Variants in NGLY1 observed in about 807,000 individuals in gnomAD.
NGLY1 encodes N-glycanase 1.
In NGLY1, 68 loss-of-function variants were observed where a neutral mutation model predicts 84.6. The ratio of observed to expected loss-of-function variants is 0.80; its 90% CI spans 0.66 to 0.98. The LOEUF is 0.98. NGLY1 is among the 50% of genes least tolerant of loss of function. The pLI, the probability that NGLY1 is intolerant of heterozygous loss-of-function variation, is 0.00. For synonymous variants in NGLY1, 280 were observed against 275.2 expected (o/e 1.02, Z -0.17); for missense variants, 779 against 770.2 (o/e 1.01, Z -0.14).
chr3:25,736,583 CACTA>C, intron 6 of NGLY1: 2 of 464,168 alleles, frequency 4.3e-6, no homozygotes, highest in South Asian at 8.8e-5. Flanking sequence ...TTTAAGAGAA[CACTA>C]ACTATTAATG....
upstream of NGLY1, among the ~76,000 whole-genome samples, chr3:25,786,948 CTG>C (rs896475934): frequency 2.0e-5 from 3 of 152,216 alleles, no homozygotes; most frequent in African/African-American, 7.2e-5. Flanking sequence ...TTGCTCAGCA[CTG>C]TGAAGGAGAC....
intron 2 of NGLY1, among the ~76,000 whole-genome samples, chr3:25,768,919 T>C (rs570951136): frequency 3.9e-5 from 6 of 151,998 alleles, no homozygotes; most frequent in Non-Finnish European, 8.8e-5. Flanking sequence ...AAAAAGCTTA[T>C]GCACAGCAAA....
intron 4 of NGLY1, among the ~76,000 whole-genome samples, chr3:25,745,906 T>G (rs1311144300): frequency 6.6e-6 from 1 of 152,262 alleles, no homozygotes; most frequent in Non-Finnish European, 1.5e-5. Flanking sequence ...GTAACATTTC[T>G]GCTGTATGTT....
intron 3 of NGLY1, among the ~76,000 whole-genome samples, chr3:25,753,491 G>A (rs910915167): frequency 1.3e-5 from 2 of 151,996 alleles, no homozygotes; most frequent in Non-Finnish European, 2.9e-5. Flanking sequence ...AAAAGCACCA[G>A]TACAAGTTTC....
chr3:25,738,981 GAGT>G (rs1705985443), intron 5 of NGLY1, among the ~76,000 whole-genome samples: 1 of 152,060 alleles, frequency 6.6e-6, no homozygotes, highest in African/African-American at 2.4e-5. Flanking sequence ...GAGATATGAG[GAGT>G]AGGTTAGGTT....
Position 25,732,367 on chromosome 3 carries a change from T to C in NGLY1, c.1377A>G (p.Ile459Met). The C allele has an allele frequency of 6.2e-7, 1 of 1,613,796 alleles. No homozygotes were observed. The highest frequency in any genetic ancestry group is 1.1e-5 in the South Asian group (1 of 91,060). The change falls in exon 9 of 12, where the codon ATA (isoleucine) becomes ATG (methionine). Residue 459 changes from isoleucine to methionine, a missense_variant. Physicochemically the swap from Ile to Met is conservative, Grantham distance 10. Coordinates refer to ENST00000280700, the MANE Select transcript of NGLY1 (RefSeq NM_018297.4). ...TPKPGELGGRISGSVAWRVAR... is the reference protein window; with the variant it reads ...TPKPGELGGRMSGSVAWRVAR... ...CTACTCTCCAAGCCACTGACCCAGATATTCTTCCCCCAAGTTCTCCAGGTT... is the reference window on the plus strand; with the variant it reads ...CTACTCTCCAAGCCACTGACCCAGACATTCTTCCCCCAAGTTCTCCAGGTT...
chr3:25,783,092 C>A lies in NGLY1; in HGVS notation c.131+168G>T. On this transcript the variant is annotated intron_variant, in intron 1 of 11. Transcript: ENST00000280700. This position sits in a 1 kb window ranked among gnomAD's most constrained non-coding sequence, Gnocchi z 4.5. Reference sequence around the variant, plus strand: ...GGTGGGACTTGGCCGGGTCCCGAGGCCCCTGGCCGGCGGGCTCGGACGTTA... The same window carrying A: ...GGTGGGACTTGGCCGGGTCCCGAGGACCCTGGCCGGCGGGCTCGGACGTTA... The A allele has an allele frequency of 1.7e-6, 1 of 600,742 alleles. No homozygotes were observed. The highest frequency in any genetic ancestry group is 2.8e-6 in the Non-Finnish European group (1 of 351,398). 37.2% of individuals were successfully genotyped at this position (600,742 alleles called of 1,614,324 possible).
rs1423464619 is a variant in NGLY1 at position 25,741,714 on chromosome 3, G to T, written c.659-1915C>A. On this transcript the variant is annotated intron_variant, in intron 4 of 11. Coordinates refer to ENST00000280700, the MANE Select transcript of NGLY1 (RefSeq NM_018297.4). ...CAAAGAAAAGATAAATTTCTGGACG[G>T]GCACGGTGGCTCACGCCTATAATCC... Among the ~76,000 whole-genome samples, 10 of 152,276 alleles carry T rather than the reference G, an allele frequency of 6.6e-5. No homozygotes were observed. In the East Asian group the frequency reaches 1.9e-3, roughly 29 times the overall value.
chr3:25,736,461 T>C lies in NGLY1; in HGVS notation c.1004-312A>G, dbSNP rs909786311. On this transcript the variant is annotated intron_variant, in intron 6 of 11. Transcript: ENST00000280700. ...AAATATCATCCTGAGTTTACTATCA[T>C]GAAGGAGTTAATGCCACTTTTGAAA... 1.0e-5 allele frequency: 14 copies of C among 1,372,088 alleles called. No homozygotes were observed. In the African/African-American group the frequency reaches 1.9e-4, roughly 19 times the overall value. 85.0% of individuals were successfully genotyped at this position (1,372,088 alleles called of 1,614,324 possible). A position where few individuals can be genotyped will look rare whatever the true frequency, so the allele number is the denominator to read the frequency against.
At chr3:25,788,685 GAC>G (rs1164903434) in intron 1 of NGLY1, among the ~76,000 whole-genome samples, 1 of 152,132 alleles carries the variant, frequency 6.6e-6, no homozygotes, top group Non-Finnish European at 1.5e-5. Context: ...TTATTTTAAA[GAC>G]AGCAATGAAA....
rs1705101633 is a variant in NGLY1, at chr3:25,723,383, CTTATG to C, written c.1612-3197_1612-3193del. On this transcript the variant is annotated intron_variant, in intron 10 of 11. Transcript: ENST00000280700. ...ACTATGAGCAAAATAAAAAAGGTCT[CTTATG>C]TTAAAGAACAGTATATGGAGATAAA... Among the ~76,000 whole-genome samples the C allele has an allele frequency of 6.6e-5, 10 of 152,120 alleles. No individual in the cohort carries two copies. In the South Asian group the frequency reaches 2.1e-3, roughly 32 times the overall value.
chr3:25,736,189 A>C, intron 6 of NGLY1, 40 bp from the exon 7 acceptor site: 1 of 1,600,362 alleles, frequency 6.2e-7, no homozygotes, highest in Non-Finnish European at 8.5e-7. Flanking sequence ...GAAAAAAGAC[A>C]ATGAAATCAG....
At chr3:25,736,742 A>G in intron 6 of NGLY1, 1 of 180,366 alleles carries the variant, frequency 5.5e-6, no homozygotes, top group Non-Finnish European at 1.2e-5. Flanking sequence ...TTAAGTTTAT[A>G]GTTTACTAAA....
At chr3:25,746,299 C>G (rs900549536) in intron 4 of NGLY1, among the ~76,000 whole-genome samples, 2 of 152,000 alleles carry the variant, frequency 1.3e-5, no homozygotes, top group Admixed American at 6.6e-5. Context: ...ATCCTTCATG[C>G]CCTTAAAAAA....
chr3:25,719,861 G>A (rs1271631683), intron 11 of NGLY1, among the ~76,000 whole-genome samples, 153 bp downstream of exon 11: 1 of 145,392 alleles, frequency 6.9e-6, no homozygotes, highest in Non-Finnish European at 1.5e-5. Context: ...TGTTACAATG[G>A]GATCACACAG....
At chr3:25,735,166 T>G (rs1705753092) in intron 7 of NGLY1, 1 of 152,142 alleles carries the variant, frequency 6.6e-6, no homozygotes, top group Non-Finnish European at 1.5e-5. Context: ...TAGGCAAAAT[T>G]TCTTAAATAT....
chr3:25,736,537 A>G (rs1371308685), intron 6 of NGLY1: 1 of 609,346 alleles, frequency 1.6e-6, no homozygotes. Flanking sequence ...AGGAAGTCTA[A>G]TAGAATCTCT....
chr3:25,760,447 A>G (rs554751358), intron 3 of NGLY1, among the ~76,000 whole-genome samples: 2 of 152,236 alleles, frequency 1.3e-5, no homozygotes, highest in Non-Finnish European at 2.9e-5. Context: ...TGCTGATATA[A>G]GGACACAATG....
chr3:25,778,376 C>T, intron 2 of NGLY1, 198 bp downstream of exon 2: 2 of 411,100 alleles, frequency 4.9e-6, no homozygotes, highest in Non-Finnish European at 8.9e-6. Context: ...CTCTGTGGAG[C>T]GTTGTTACAT....
Sources: allele counts gnomAD v4.1 joint callset (sites outside exome capture counted in the v4.1 genomes callset), GRCh38; gene constraint gnomAD v4.1.1; non-coding constraint Gnocchi (gnomAD v3.1); transcripts MANE v1.5; gene names NCBI Gene and HGNC (gene_info 2026-07-23, HGNC 2026-07-21).